SREBF2: variants seen among roughly 807,000 people sequenced by gnomAD.
The protein encoded by SREBF2 is sterol regulatory element-binding protein 2.
In SREBF2, 55 loss-of-function variants were observed where a neutral mutation model predicts 113.1. That is an observed-to-expected ratio of 0.49 (90% confidence interval 0.39 to 0.61). The LOEUF (loss-of-function observed/expected upper bound fraction) is 0.61. SREBF2 is among the 20% of genes least tolerant of loss of function. The pLI, the probability that SREBF2 is intolerant of heterozygous loss-of-function variation, is 0.00. For missense variants in SREBF2, 1,349 were observed against 1,487.4 expected (o/e 0.91, Z 1.53); for synonymous variants, 593 against 605.7 (o/e 0.98, Z 0.31).
chr22:41,870,756 A>C, intron 3 of SREBF2, 133 bp from the exon 4 acceptor site: 1 of 1,306,896 alleles, frequency 7.7e-7, no homozygotes. Context: ...TTTCCTGTTC[A>C]TTTTTTTATT....
chr22:41,843,276 G>A (rs909503659), intron 1 of SREBF2, among the ~76,000 whole-genome samples: 4 of 152,012 alleles, frequency 2.6e-5, no homozygotes, highest in African/African-American at 7.2e-5. Context: ...CTTTTTGATC[G>A]TTCACCAGGT....
intron 2 of SREBF2, among the ~76,000 whole-genome samples, chr22:41,867,858 A>G (rs2077100419): frequency 1.3e-5 from 2 of 152,154 alleles, no homozygotes; most frequent in African/African-American, 2.4e-5. Context: ...GGCCATTCTG[A>G]TAACTAGTGG....
At chr22:41,881,283 CTTAAA>C (rs1424896925) in intron 10 of SREBF2, among the ~76,000 whole-genome samples, 2 of 152,182 alleles carry the variant, frequency 1.3e-5, no homozygotes, top group African/African-American at 2.4e-5. Context: ...TTTAGTGATA[CTTAAA>C]TTAATGGTGA....
chr22:41,877,930 G>C lies in SREBF2; in HGVS notation c.1580-12G>C, dbSNP rs774361693. 6.2e-7 allele frequency: 1 copy of C among 1,614,138 alleles called. No homozygotes were observed. Among genetic ancestry groups the C allele is most frequent in the Non-Finnish European group, 8.5e-7 (1 of 1,180,022 alleles). ...CTTTCCTAGCAGACTCTGCTGAGAC[G>C]CTCCTTCTTAGGTTCTGGGGGCTGG... On this transcript the variant is annotated splice_polypyrimidine_tract_variant and intron_variant, in intron 8 of 18. Coordinates refer to ENST00000361204, the MANE Select transcript of SREBF2 (RefSeq NM_004599.4).
chr22:41,889,817 A>G (rs1454329974), intron 11 of SREBF2, among the ~76,000 whole-genome samples: 2 of 152,088 alleles, frequency 1.3e-5, no homozygotes, highest in African/African-American at 4.8e-5. Context: ...CCTGGCCAAC[A>G]TGATGAAACT....
At chr22:41,851,554 C>T (rs1477854675) in intron 1 of SREBF2, among the ~76,000 whole-genome samples, 3 of 151,960 alleles carry the variant, frequency 2.0e-5, no homozygotes, top group East Asian at 1.9e-4. Flanking sequence ...AGTGCAATGG[C>T]GCGATCTCGC....
chr22:41,834,622 T>C (rs994435478), intron 1 of SREBF2: 3 of 152,680 alleles, frequency 2.0e-5, no homozygotes, highest in Non-Finnish European at 4.4e-5. Flanking sequence ...ATGCAGCAGC[T>C]AATTGAAAAG....
intron 17 of SREBF2, among the ~76,000 whole-genome samples, chr22:41,903,560 G>A (rs1243674632): frequency 1.3e-5 from 2 of 152,234 alleles, no homozygotes; most frequent in Admixed American, 6.5e-5. Context: ...AGAGGCTTCG[G>A]TTCTGCTGCT....
chr22:41,833,423 C>A lies in SREBF2; in HGVS notation c.88+65C>A. 2 of 1,429,524 alleles carry A rather than the reference C, an allele frequency of 1.4e-6. No homozygotes were observed. Among genetic ancestry groups the A allele is most frequent in the Non-Finnish European group, 1.9e-6 (2 of 1,056,854 alleles). 88.6% of individuals were successfully genotyped at this position (1,429,524 alleles called of 1,614,324 possible). A position where few individuals can be genotyped will look rare whatever the true frequency, so the allele number is the denominator to read the frequency against. On this transcript the variant is annotated intron_variant, in intron 1 of 18. Transcript: ENST00000361204. The surrounding 1 kb of genome is among the most constrained non-coding windows in gnomAD (Gnocchi z 4.1). ...GAGGAAGGGGTTACGGCGGCGCGCCCGGGTGCGCGTGCGCCCACCCCCCGA... is the reference window on the plus strand; with the variant it reads ...GAGGAAGGGGTTACGGCGGCGCGCCAGGGTGCGCGTGCGCCCACCCCCCGA...
At chr22:41,865,266 G>T (rs559861435) in intron 1 of SREBF2, among the ~76,000 whole-genome samples, 1 of 151,988 alleles carries the variant, frequency 6.6e-6, no homozygotes, top group Non-Finnish European at 1.5e-5. Flanking sequence ...GGTTTTTGTT[G>T]TTTTGGTGTC....
chr22:41,850,072 G>A (rs1019315267), intron 1 of SREBF2, among the ~76,000 whole-genome samples: 4 of 151,994 alleles, frequency 2.6e-5, no homozygotes, highest in African/African-American at 4.8e-5. Flanking sequence ...CCTGGGAGGC[G>A]GAGTTTGCAG....
chr22:41,899,003 C>A, intron 15 of SREBF2: 1 of 693,442 alleles, frequency 1.4e-6, no homozygotes, highest in Non-Finnish European at 2.4e-6. Flanking sequence ...CGACAGTTGT[C>A]CCAGCAGCTG....
At chr22:41,880,658 TCAAAA>T in intron 9 of SREBF2, 53 bp from the exon 10 acceptor site, 1 of 1,611,588 alleles carries the variant, frequency 6.2e-7, no homozygotes, top group East Asian at 2.2e-5. Context: ...GAAGTCTATA[TCAAAA>T]CAAAAAGCCG....
rs1471238646 is a variant in SREBF2 at position 41,880,889 on chromosome 22, G to A, written c.1935G>A (p.Arg645=). Residue 645 remains arginine (R), a synonymous_variant, in exon 10 of 19, where the codon CGG becomes CGA. Coordinates refer to ENST00000361204, the MANE Select transcript of SREBF2 (RefSeq NM_004599.4). Reference sequence around the variant, plus strand: ...TGCTCAAGAAAGTCTTCCAGTGCCGGCGGGCCACGCCAGCCACTGAGGCAG... The same window carrying A: ...TGCTCAAGAAAGTCTTCCAGTGCCGACGGGCCACGCCAGCCACTGAGGCAG... ...RWLLKKVFQC[R]RATPATEAGF... 1 of 1,612,750 alleles carries A rather than the reference G, an allele frequency of 6.2e-7. No homozygotes were observed. Among genetic ancestry groups the A allele is most frequent in the Non-Finnish European group, 8.5e-7 (1 of 1,179,886 alleles).
chr22:41,858,820 CA>C (rs34300977), intron 1 of SREBF2, among the ~76,000 whole-genome samples: 4 of 151,238 alleles, frequency 2.6e-5, no homozygotes, highest in African/African-American at 9.7e-5. Flanking sequence ...CATAGGTGAC[CA>C]AAAAAAGGAA....
intron 13 of SREBF2, among the ~76,000 whole-genome samples, chr22:41,896,010 G>A (rs1044547649): frequency 1.8e-4 from 28 of 151,970 alleles, no homozygotes; most frequent in African/African-American, 7.2e-5. Context: ...GCGTGGTGGC[G>A]GGCGCCTGTG....
chr22:41,868,787 G>C lies in SREBF2; in HGVS notation c.715G>C (p.Val239Leu). The C allele has an allele frequency of 6.2e-7, 1 of 1,608,750 alleles. No homozygotes were observed. The highest frequency in any genetic ancestry group is 8.5e-7 in the Non-Finnish European group (1 of 1,177,650). ...QTVAAPQVQQVPVLVQPQIIK... is the reference protein window; with the variant it reads ...QTVAAPQVQQLPVLVQPQIIK... ...AGTTGCTGCGCCACAGGTGCAGCAG[G>C]TCCCGGTAAGTGGCTGGAAAGGATT... Residue 239 changes from valine (V) to leucine (L), a missense_variant, in exon 3 of 19, where the codon GTC becomes CTC. Coordinates refer to ENST00000361204, the MANE Select transcript of SREBF2 (RefSeq NM_004599.4).
intron 11 of SREBF2, among the ~76,000 whole-genome samples, chr22:41,889,183 T>C (rs1181259205): frequency 6.6e-6 from 1 of 152,206 alleles, no homozygotes; most frequent in Admixed American, 6.5e-5. Context: ...TGGAGTGCAG[T>C]GGTGCAATCA....
intron 4 of SREBF2, among the ~76,000 whole-genome samples, chr22:41,872,244 C>T (rs1348890637): frequency 2.2e-5 from 3 of 133,484 alleles, no homozygotes; most frequent in Non-Finnish European, 3.1e-5. Context: ...AGCAAATCTC[C>T]GTCTCAAAAA....
Sources: gnomAD v4.1 joint callset for allele counts (sites outside exome capture counted in the v4.1 genomes callset) on GRCh38, gnomAD v4.1.1 for gene constraint, Gnocchi (gnomAD v3.1) non-coding constraint, MANE v1.5 for transcripts, NCBI Gene and HGNC (gene_info 2026-07-23, HGNC 2026-07-21) for gene names.